The following KIRREL1 variants were observed in gnomAD, a reference collection of about 807,000 sequenced individuals.
KIRREL1 encodes the protein kin of IRRE-like protein 1.
In KIRREL1, 25 loss-of-function variants were observed where a neutral mutation model predicts 83.3. The observed-to-expected ratio is 0.30, with a 90% CI of 0.22 to 0.42. The LOEUF (loss-of-function observed/expected upper bound fraction) is 0.42, where lower values mean the gene tolerates loss of function less well. Among genes scored for constraint, KIRREL1 ranks in the 10% least tolerant of loss-of-function variants. KIRREL1 has a pLI of 1.00. For synonymous variants in KIRREL1, 388 were observed against 410.4 expected (o/e 0.95, Z 0.66); for missense variants, 812 against 1,032.3 (o/e 0.79, Z 2.92).
intron 1 of KIRREL1, among the ~76,000 whole-genome samples, chr1:158,037,694 G>A (rs1043224996): frequency 2.0e-5 from 3 of 152,124 alleles, no homozygotes; most frequent in Admixed American, 1.3e-4. Flanking sequence ...CCCTCCTCCA[G>A]CAAGCATCCT....
chr1:158,042,562 C>T (rs1660658011), intron 1 of KIRREL1, among the ~76,000 whole-genome samples: 1 of 152,150 alleles, frequency 6.6e-6, no homozygotes, highest in African/African-American at 2.4e-5. Context: ...CAGAGCTCCA[C>T]ACTGCTGTAA....
rs1662260034 is a variant in KIRREL1, at chr1:158,093,457, G to A, written c.1579+11G>A. On this transcript the variant is annotated intron_variant, in intron 12 of 14. Coordinates refer to ENST00000359209, the MANE Select transcript of KIRREL1 (RefSeq NM_018240.7). The stretch of plus-strand genomic sequence containing the variant: ...GGCGCCGCAAAGGCAGTGAGTATGG[G>A]CCCTGTGCAGCCCACAGCCTTCCCC... The A allele has an allele frequency of 6.2e-7, 1 of 1,611,316 alleles. No individual in the cohort carries two copies. The highest frequency in any genetic ancestry group is 8.5e-7 in the Non-Finnish European group (1 of 1,177,478).
chr1:158,023,781 G>A (rs965981906), intron 1 of KIRREL1, among the ~76,000 whole-genome samples: 14 of 152,152 alleles, frequency 9.2e-5, no homozygotes, highest in African/African-American at 1.7e-4. Context: ...AATCCAGGAC[G>A]GCTTCCTGAA....
At chr1:158,075,345 G>A (rs1245101268) in intron 1 of KIRREL1, among the ~76,000 whole-genome samples, 2 of 152,244 alleles carry the variant, frequency 1.3e-5, no homozygotes, top group East Asian at 1.9e-4. Flanking sequence ...ACAAAGTCAC[G>A]TGGCCTCTCA....
chr1:158,011,446 C>A (rs1040789558), intron 1 of KIRREL1, among the ~76,000 whole-genome samples: 1 of 152,186 alleles, frequency 6.6e-6, no homozygotes, highest in Non-Finnish European at 1.5e-5. Context: ...CTAGAAGGAA[C>A]CGGAAGCTGG....
intron 1 of KIRREL1, among the ~76,000 whole-genome samples, chr1:158,073,619 C>T (rs563790376): frequency 1.2e-4 from 18 of 152,202 alleles, no homozygotes; most frequent in Non-Finnish European, 2.5e-4. Flanking sequence ...TCTCCTAAAC[C>T]TGTCCTCTTA....
In KIRREL1 at chr1:158,060,106, A is replaced by G. The variant is rs556184379; in HGVS notation, c.53-16007A>G. ...GTGCTGTCTAAGGCTTCCTGGACTT[A>G]CTGGAATCCGTTTAATGACAGCGAC... is the stretch of plus-strand genomic sequence containing the variant. On this transcript the variant is annotated intron_variant, in intron 1 of 14. Transcript: ENST00000359209. 9.6e-4 allele frequency among the ~76,000 whole-genome samples: 146 copies of G among 152,200 alleles called. 1 individual carries two copies. The highest frequency in any genetic ancestry group is 3.4e-3 in the African/African-American group (141 of 41,516).
chr1:158,087,641 C>T, intron 5 of KIRREL1, 114 bp from the exon 6 acceptor site: 2 of 694,414 alleles, frequency 2.9e-6, no homozygotes, highest in South Asian at 2.0e-5. Context: ...TACACTGCAA[C>T]CTCAAATTCC....
At chr1:158,010,238 G>C (rs16839551) in intron 1 of KIRREL1, among the ~76,000 whole-genome samples, 2,210 of 151,884 alleles carry the variant, frequency 0.015, 177 homozygotes, top group Admixed American at 0.13. Flanking sequence ...AGCAGCGTTT[G>C]CTCAGGAACC....
rs932444552 is a variant in KIRREL1 at position 158,095,281 on chromosome 1, C to T, written c.*161C>T. On this transcript the variant is annotated 3_prime_UTR_variant, in exon 15 of 15. Transcript: ENST00000359209. The stretch of plus-strand genomic sequence containing the variant: ...CAGGTCTCCCAGAAACACCCCGTCC[C>T]GAGGATGGTGCTCTGTGCATGCCCC... 3.4e-5 allele frequency: 21 copies of T among 613,232 alleles called. 1 individual carries two copies. Among genetic ancestry groups the T allele is most frequent in the South Asian group, 4.0e-5 (2 of 49,894 alleles). The allele number at this position is 613,232 out of a possible 1,614,324, so 38.0% of individuals were successfully genotyped here.
intron 11 of KIRREL1, among the ~76,000 whole-genome samples, chr1:158,092,014 G>T (rs1662210842): frequency 6.6e-6 from 1 of 152,202 alleles, no homozygotes; most frequent in South Asian, 2.1e-4. Context: ...CATATGAACT[G>T]CAAAAGGGAA....
At chr1:158,024,528 C>T (rs954412594) in intron 1 of KIRREL1, among the ~76,000 whole-genome samples, 1 of 152,020 alleles carries the variant, frequency 6.6e-6, no homozygotes, top group African/African-American at 2.4e-5. Flanking sequence ...ATCCACCCAC[C>T]TCCGCCTCCC....
chr1:157,994,300 C>T (rs1424306253), intron 1 of KIRREL1, among the ~76,000 whole-genome samples: 1 of 151,874 alleles, frequency 6.6e-6, no homozygotes, highest in African/African-American at 2.4e-5. Flanking sequence ...GTCTCGGCGC[C>T]TCTAGTGGGG....
chr1:158,038,053 G>A (rs1660523374), intron 1 of KIRREL1, among the ~76,000 whole-genome samples: 1 of 152,220 alleles, frequency 6.6e-6, no homozygotes, highest in African/African-American at 2.4e-5. Context: ...GTCTGGCTCT[G>A]TGCCCACGAC....
At chr1:158,042,599 G>T (rs369504836) in intron 1 of KIRREL1, among the ~76,000 whole-genome samples, 1 of 152,050 alleles carries the variant, frequency 6.6e-6, no homozygotes, top group South Asian at 2.1e-4. Context: ...CAGAAGCCAG[G>T]CACTGGTCTA....
chr1:158,071,893 C>T (rs2101619461), intron 1 of KIRREL1, among the ~76,000 whole-genome samples: 1 of 152,242 alleles, frequency 6.6e-6, no homozygotes, highest in East Asian at 1.9e-4. Flanking sequence ...CTTCTTGACA[C>T]TCAAGGGCAA....
intron 1 of KIRREL1, among the ~76,000 whole-genome samples, chr1:158,034,759 G>A (rs1012481359): frequency 9.2e-5 from 14 of 152,162 alleles, no homozygotes; most frequent in Non-Finnish European, 1.8e-4. Flanking sequence ...TAGGCAATAG[G>A]GGTTGAGGGA....
intron 1 of KIRREL1, among the ~76,000 whole-genome samples, chr1:158,033,590 T>G (rs935649493): frequency 2.0e-5 from 3 of 152,220 alleles, no homozygotes; most frequent in Non-Finnish European, 4.4e-5. Context: ...CCAATCAGGT[T>G]GTTTGATCCT....
At chr1:158,023,993 G>C (rs1304668039) in intron 1 of KIRREL1, among the ~76,000 whole-genome samples, 3 of 152,146 alleles carry the variant, frequency 2.0e-5, no homozygotes, top group African/African-American at 7.2e-5. Context: ...TGTCACCCAG[G>C]CTGGAGTGCA....
Sources: gnomAD v4.1 joint callset for allele counts (sites outside exome capture counted in the v4.1 genomes callset) on GRCh38, gnomAD v4.1.1 for gene constraint, MANE v1.5 for transcripts, NCBI Gene and HGNC (gene_info 2026-07-23, HGNC 2026-07-21) for gene names.